DNAH7: variants seen among roughly 807,000 people sequenced by gnomAD.
DNAH7 encodes axonemal beta dynein heavy chain 7.
Under a neutral mutation model 444.6 loss-of-function variants are expected in DNAH7, and 397 were observed. The observed-to-expected ratio is 0.89, with a 90% CI of 0.82 to 0.97. The LOEUF (loss-of-function observed/expected upper bound fraction) is 0.97. Ranked by LOEUF, DNAH7 falls within the 50% of genes least tolerant of loss-of-function variation. The pLI is 0.00. For missense variants in DNAH7, 4,902 were observed against 4,800.8 expected (o/e 1.02, Z -0.62); for synonymous variants, 1,636 against 1,624.4 (o/e 1.01, Z -0.17).
At chr2:196,036,338 C>T (rs1342470964) in intron 5 of DNAH7, among the ~76,000 whole-genome samples, 1 of 151,950 alleles carries the variant, frequency 6.6e-6, no homozygotes, top group Non-Finnish European at 1.5e-5. Flanking sequence ...CTGGCCTCCA[C>T]ATTCTTAAGG....
chr2:196,048,316 A>G lies in DNAH7; in HGVS notation c.230T>C (p.Val77Ala). The G allele has an allele frequency of 6.2e-7, 1 of 1,613,562 alleles. No individual in the cohort carries two copies. Among genetic ancestry groups the G allele is most frequent in the Non-Finnish European group, 8.5e-7 (1 of 1,179,662 alleles). The change falls in exon 4 of 65, where the codon GTT (valine) becomes GCT (alanine). Residue 77 changes from valine to alanine, a missense_variant. Physicochemically the swap from Val to Ala is moderately conservative, Grantham distance 64 (BLOSUM62 0). Coordinates refer to ENST00000312428, the MANE Select transcript of DNAH7 (RefSeq NM_018897.3). ...QDDESPEPFS[V>A]KNEQSHAEYM... is the part of the protein sequence containing the mutation. ...CTTACCATGGGACTGTTCATTTTTAACACTAAATGGTTCTGGACTCTCATC... is the reference window on the plus strand; with the variant it reads ...CTTACCATGGGACTGTTCATTTTTAGCACTAAATGGTTCTGGACTCTCATC...
At chr2:195,947,485 T>A (rs1282710606) in intron 19 of DNAH7, among the ~76,000 whole-genome samples, 1 of 152,074 alleles carries the variant, frequency 6.6e-6, no homozygotes, top group Non-Finnish European at 1.5e-5. Context: ...GACGTTCCCC[T>A]CCCTGTGTCC....
chr2:195,930,834 C>G (rs919149282), intron 21 of DNAH7, among the ~76,000 whole-genome samples: 1 of 152,132 alleles, frequency 6.6e-6, no homozygotes, highest in Non-Finnish European at 1.5e-5. Context: ...CCATATAATA[C>G]TATGCAGCCA....
At chr2:196,051,047 A>C in intron 3 of DNAH7, 140 bp downstream of exon 3, 2 of 710,874 alleles carry the variant, frequency 2.8e-6, no homozygotes, top group Non-Finnish European at 5.0e-6. Context: ...TATTTGTCCT[A>C]ATATGCACAC....
At position 195,808,744 on chromosome 2, in the gene DNAH7, T is replaced by C. The variant is rs762171580; in HGVS notation, c.10021A>G (p.Lys3341Glu). The C allele has an allele frequency of 6.2e-7, 1 of 1,614,098 alleles. No individual in the cohort carries two copies. The highest frequency in any genetic ancestry group is 1.7e-5 in the Admixed American group (1 of 60,026). The part of the protein sequence containing the change: ...ICRLDDLPAF[K>E]TIRREFMRLK... ...CGCATAAACTCTCTACGAATGGTTT[T>C]GAAGGCAGGCAAATCATCTAATCGA... Residue 3341 changes from lysine to glutamate, a missense_variant, in exon 53 of 65, where the codon AAA becomes GAA. Physicochemically the swap from Lys to Glu is moderately conservative, Grantham distance 56. Transcript: ENST00000312428.
intron 64 of DNAH7, among the ~76,000 whole-genome samples, chr2:195,740,144 C>T (rs1002078461): frequency 9.9e-5 from 15 of 152,148 alleles, no homozygotes; most frequent in African/African-American, 3.4e-4. Flanking sequence ...CCAACACACC[C>T]GGCTAATTTT....
At chr2:196,053,250 C>A (rs1697594673) in intron 2 of DNAH7, among the ~76,000 whole-genome samples, 1 of 152,148 alleles carries the variant, frequency 6.6e-6, no homozygotes, top group South Asian at 2.1e-4. Flanking sequence ...CAAGTGGGTG[C>A]TGTTATATTA....
At chr2:196,026,714 T>G in intron 7 of DNAH7, 46 bp downstream of exon 7, 2 of 1,343,962 alleles carry the variant, frequency 1.5e-6, no homozygotes, top group Middle Eastern at 2.1e-4. Context: ...TAATCTTTAA[T>G]GAGACACATA....
At chr2:195,833,754 TTTTTA>T (rs1698187030) in intron 48 of DNAH7, among the ~76,000 whole-genome samples, 1 of 152,152 alleles carries the variant, frequency 6.6e-6, no homozygotes, top group East Asian at 1.9e-4. Flanking sequence ...CTGCCACTTC[TTTTTA>T]TTTTTTATTT....
chr2:195,978,123 G>A (rs1237730179), intron 15 of DNAH7, among the ~76,000 whole-genome samples: 1 of 152,078 alleles, frequency 6.6e-6, no homozygotes, highest in Non-Finnish European at 1.5e-5. Flanking sequence ...TAATTGTGGT[G>A]TGTAAACTAT....
At chr2:195,931,845 G>A (rs898841745) in intron 21 of DNAH7, among the ~76,000 whole-genome samples, 16 of 152,222 alleles carry the variant, frequency 1.1e-4, no homozygotes, top group African/African-American at 3.9e-4. Context: ...ATAGTTTGAA[G>A]TCAGGTAGCT....
At chr2:195,756,822 C>T (rs1180457223) in intron 61 of DNAH7, among the ~76,000 whole-genome samples, 1 of 151,446 alleles carries the variant, frequency 6.6e-6, no homozygotes, top group Non-Finnish European at 1.5e-5. Flanking sequence ...CGAAACCTCA[C>T]CTCCACAACA....
chr2:195,885,569 T>C (rs1701655661), intron 34 of DNAH7, among the ~76,000 whole-genome samples: 1 of 152,204 alleles, frequency 6.6e-6, no homozygotes, highest in South Asian at 2.1e-4. Context: ...GCAAGTACCA[T>C]ATTGACCACA....
intron 63 of DNAH7, among the ~76,000 whole-genome samples, chr2:195,744,749 C>G (rs1386366846): frequency 1.3e-5 from 2 of 152,162 alleles, no homozygotes; most frequent in South Asian, 4.1e-4. Flanking sequence ...AAACAGGGTC[C>G]GGAGTGGACC....
At chr2:195,977,187 TG>T (rs1692269440) in intron 15 of DNAH7, among the ~76,000 whole-genome samples, 1 of 152,142 alleles carries the variant, frequency 6.6e-6, no homozygotes, top group Non-Finnish European at 1.5e-5. Flanking sequence ...GATAGAGATA[TG>T]TGAGATTTCA....
In DNAH7 at chr2:196,029,914, A is replaced by G. The variant is rs137863843; in HGVS notation, c.399-1867T>C. ...GAAGCTTTTGGTTCAAGATGGTGGC[A>G]TGAGCATCCCTTTTTTAAATTGCCC... On this transcript the variant is annotated intron_variant, in intron 5 of 64. Transcript: ENST00000312428. Among the ~76,000 whole-genome samples the G allele has an allele frequency of 2.1e-3, 316 of 152,320 alleles. 1 individual carries two copies. The highest frequency in any genetic ancestry group is 7.1e-3 in the African/African-American group (296 of 41,566).
intron 19 of DNAH7, among the ~76,000 whole-genome samples, chr2:195,952,655 G>C (rs898409401): frequency 1.3e-5 from 2 of 151,330 alleles, no homozygotes; most frequent in East Asian, 3.9e-4. Context: ...CTCTCATCTT[G>C]TCTTCATGCT....
chr2:195,897,551 C>A, intron 29 of DNAH7, 116 bp downstream of exon 29: 2 of 466,446 alleles, frequency 4.3e-6, no homozygotes. Context: ...ATGGAATTAT[C>A]TATGTTTCTC....
At chr2:195,845,204 G>C (rs748248794) in intron 46 of DNAH7, 39 bp from the exon 47 acceptor site, 23 of 1,544,798 alleles carry the variant, frequency 1.5e-5, no homozygotes, top group African/African-American at 2.8e-5. Context: ...AATGAGACTG[G>C]AGGTTATCAA....
Sources: gnomAD v4.1 joint callset for allele counts (sites outside exome capture counted in the v4.1 genomes callset) on GRCh38, gnomAD v4.1.1 for gene constraint, MANE v1.5 for transcripts, NCBI Gene and HGNC (gene_info 2026-07-23, HGNC 2026-07-21) for gene names.